DLG2: variants seen among roughly 807,000 people sequenced by gnomAD.
DLG2 encodes the protein disks large homolog 2.
DLG2 carries 45 observed loss-of-function variants against 132.5 expected under a neutral mutation model. The ratio of observed to expected loss-of-function variants is 0.34; its 90% CI spans 0.27 to 0.44. DLG2 has a LOEUF of 0.44. DLG2 is among the 20% of genes least tolerant of loss of function. The pLI is 1.00. For synonymous variants in DLG2, 424 were observed against 419.6 expected (o/e 1.01, Z -0.13); for missense variants, 1,045 against 1,196.9 (o/e 0.87, Z 1.87).
intron 6 of DLG2, among the ~76,000 whole-genome samples, chr11:84,964,914 CA>C (rs1186883121): frequency 5.3e-5 from 8 of 151,986 alleles, no homozygotes; most frequent in Non-Finnish European, 1.2e-4. Context: ...TACACAGAAA[CA>C]CATATACGAA....
intron 4 of DLG2, among the ~76,000 whole-genome samples, chr11:85,164,029 G>A (rs1436199931): frequency 6.6e-6 from 1 of 152,112 alleles, no homozygotes; most frequent in Non-Finnish European, 1.5e-5. Context: ...AAGAAATAAG[G>A]GCTTGGGGTT....
In DLG2 at chr11:83,459,217, G is replaced by T. The variant is rs1412891480; in HGVS notation, c.*601C>A. The T allele has an allele frequency of 6.6e-6, 1 of 152,576 alleles. No individual in the cohort carries two copies. Among genetic ancestry groups the T allele is most frequent in the Non-Finnish European group, 1.5e-5 (1 of 68,030 alleles). The allele number at this position is 152,576 out of a possible 1,614,324, so 9.5% of individuals were successfully genotyped here. A position where few individuals can be genotyped will look rare whatever the true frequency, so the allele number is the denominator to read the frequency against. On this transcript the variant is annotated 3_prime_UTR_variant, in exon 28 of 28. Coordinates refer to ENST00000376104, the MANE Select transcript of DLG2 (RefSeq NM_001142699.3). ...GGTGGAATCCCCTCCTGTCAGTGAG[G>T]TTAGTCCTCCATACACTTGCAAATT...
intron 8 of DLG2, among the ~76,000 whole-genome samples, chr11:84,217,688 C>A (rs939483113): frequency 2.0e-5 from 3 of 152,200 alleles, no homozygotes; most frequent in African/African-American, 7.2e-5. Context: ...GAAAACTTAA[C>A]AGACACATTC....
chr11:83,527,631 A>G (rs2095640804), intron 21 of DLG2, among the ~76,000 whole-genome samples: 1 of 152,158 alleles, frequency 6.6e-6, no homozygotes, highest in Non-Finnish European at 1.5e-5. Flanking sequence ...AACAACTATC[A>G]TCTCTGTTCT....
rs1309776997 is a variant in DLG2 at position 84,514,006 on chromosome 11, T to G, written c.519+20564A>C. 2.0e-5 allele frequency among the ~76,000 whole-genome samples: 3 copies of G among 152,022 alleles called. No individual in the cohort carries two copies. In the East Asian group the frequency reaches 5.8e-4, roughly 29 times the overall value. On this transcript the variant is annotated intron_variant, in intron 7 of 27. Transcript: ENST00000376104. ...ACAACTCTATAGAAAAAAAATCTAATAATCTTATTTAAAAATTGGCAAAAT... is the reference window on the plus strand; with the variant it reads ...ACAACTCTATAGAAAAAAAATCTAAGAATCTTATTTAAAAATTGGCAAAAT...
chr11:84,502,186 T>TCTC (rs2099210072), intron 7 of DLG2, among the ~76,000 whole-genome samples: 1 of 12,872 alleles, frequency 7.8e-5, no homozygotes, highest in Non-Finnish European at 2.0e-4. Context: ...TTCTCTCTCT[T>TCTC]TCTCTCTCTC....
At chr11:84,459,307 C>T (rs905477991) in intron 7 of DLG2, among the ~76,000 whole-genome samples, 1 of 150,640 alleles carries the variant, frequency 6.6e-6, no homozygotes. Context: ...ATTGTTGTAT[C>T]TTTGTAATGT....
chr11:85,587,569 T>C (rs1284690929), intron 3 of DLG2, among the ~76,000 whole-genome samples: 2 of 152,196 alleles, frequency 1.3e-5, no homozygotes, highest in East Asian at 1.9e-4. Flanking sequence ...TTCCACCCCA[T>C]TACCTTAAGT....
At chr11:83,687,300 A>T (rs1179443647) in intron 18 of DLG2, among the ~76,000 whole-genome samples, 2 of 152,194 alleles carry the variant, frequency 1.3e-5, no homozygotes, top group Non-Finnish European at 2.9e-5. Context: ...TTAGTACATG[A>T]GGAAATCGCA....
chr11:85,396,964 G>C (rs923623930), intron 3 of DLG2, among the ~76,000 whole-genome samples: 7 of 152,176 alleles, frequency 4.6e-5, no homozygotes, highest in East Asian at 3.9e-4. Context: ...GCAACCCCAA[G>C]ACATATAATT....
chr11:85,158,509 C>G (rs1310094885), intron 4 of DLG2, among the ~76,000 whole-genome samples: 1 of 152,098 alleles, frequency 6.6e-6, no homozygotes, highest in Non-Finnish European at 1.5e-5. Context: ...CCAGACGATA[C>G]ATTCTTGACC....
chr11:84,540,536 A>C (rs2099366012), intron 6 of DLG2, among the ~76,000 whole-genome samples: 1 of 152,118 alleles, frequency 6.6e-6, no homozygotes, highest in Non-Finnish European at 1.5e-5. Flanking sequence ...AAAAGTCAGG[A>C]AACAACAGGT....
chr11:85,235,956 C>T (rs1469016847), intron 4 of DLG2, among the ~76,000 whole-genome samples: 1 of 151,710 alleles, frequency 6.6e-6, no homozygotes, highest in Non-Finnish European at 1.5e-5. Context: ...TAAAAGGAGA[C>T]TTATTCAGTA....
chr11:84,029,409 C>T (rs765799100), intron 11 of DLG2, among the ~76,000 whole-genome samples: 1 of 151,954 alleles, frequency 6.6e-6, no homozygotes, highest in Non-Finnish European at 1.5e-5. Context: ...GAAATTCACA[C>T]TCTTTGCAGA....
intron 4 of DLG2, among the ~76,000 whole-genome samples, chr11:85,214,561 G>C (rs2082457309): frequency 6.6e-6 from 1 of 152,100 alleles, no homozygotes. Flanking sequence ...ACTTTTCCCA[G>C]AGCCTAGGAT....
chr11:85,537,194 C>T (rs572573915), intron 3 of DLG2, among the ~76,000 whole-genome samples: 5 of 152,234 alleles, frequency 3.3e-5, no homozygotes, highest in Admixed American at 2.0e-4. Flanking sequence ...ATGGACCAAT[C>T]GGCTCTCTGT....
intron 8 of DLG2, among the ~76,000 whole-genome samples, chr11:84,190,150 G>A (rs2096376811): frequency 6.6e-6 from 1 of 150,702 alleles, no homozygotes; most frequent in South Asian, 2.1e-4. Context: ...AAGTGATAAT[G>A]CTTAGTCTAG....
chr11:85,100,932 C>G, intron 6 of DLG2, among the ~76,000 whole-genome samples: 1 of 152,100 alleles, frequency 6.6e-6, no homozygotes, highest in East Asian at 1.9e-4. Flanking sequence ...TTTAAATTTG[C>G]AAATGTTTTT....
intron 7 of DLG2, among the ~76,000 whole-genome samples, chr11:84,477,158 C>T (rs2099123909): frequency 6.6e-6 from 1 of 152,060 alleles, no homozygotes; most frequent in African/African-American, 2.4e-5. Flanking sequence ...AGAACCACAA[C>T]TTTTACTGAC....
Sources: allele counts gnomAD v4.1 joint callset (sites outside exome capture counted in the v4.1 genomes callset), GRCh38; gene constraint gnomAD v4.1.1; transcripts MANE v1.5; gene names NCBI Gene and HGNC (gene_info 2026-07-23, HGNC 2026-07-21).